FCRL2: variants seen among roughly 807,000 people sequenced by gnomAD.
FCRL2 encodes the protein Fc receptor like 2.
A neutral mutation model predicts 59.8 loss-of-function variants in FCRL2; 48 were observed. The ratio of observed to expected loss-of-function variants is 0.80; its 90% confidence interval spans 0.64 to 1.02. The LOEUF (loss-of-function observed/expected upper bound fraction) is 1.02, where lower values mean the gene tolerates loss of function less well. Among genes scored for constraint, FCRL2 ranks in the 50% least tolerant of loss-of-function variants. The pLI is 0.00. For missense variants in FCRL2, 658 were observed against 597.3 expected (o/e 1.10, Z -1.06); for synonymous variants, 251 against 229.5 (o/e 1.09, Z -0.85).
chr1:157,774,494 C>T, intron 2 of FCRL2: 1 of 455,480 alleles, frequency 2.2e-6, no homozygotes, highest in Non-Finnish European at 4.4e-6. Context: ...TGAAGAACAT[C>T]TCAGTTTTCT....
At chr1:157,753,250 T>C (rs1648332307) in intron 7 of FCRL2, among the ~76,000 whole-genome samples, 1 of 152,176 alleles carries the variant, frequency 6.6e-6, no homozygotes, top group Non-Finnish European at 1.5e-5. Context: ...TCAGAGTTAG[T>C]GCAGACCCCA....
chr1:157,772,011 A>G (rs12728877), intron 2 of FCRL2, among the ~76,000 whole-genome samples: 30,874 of 149,896 alleles, frequency 0.21, 3,383 homozygotes, highest in Non-Finnish European at 0.24. Context: ...CTTGTTAGAC[A>G]TTGGGGAACA....
In FCRL2 at chr1:157,769,863, T is replaced by C; in HGVS notation, c.595+3A>G. On this transcript the variant is annotated splice_donor_region_variant and intron_variant, in intron 4 of 11. Coordinates refer to ENST00000361516, the MANE Select transcript of FCRL2 (RefSeq NM_030764.4). ...CTCCAGGCTCAGCCTCACTGATACT[T>C]GCTCTGCACGTGAATCTGGGATTGG... The C allele has an allele frequency of 6.2e-7, 1 of 1,613,284 alleles. No individual in the cohort carries two copies. The highest frequency in any genetic ancestry group is 1.7e-4 in the Middle Eastern group (1 of 6,056).
chr1:157,762,208 T>C (rs1444863156), intron 7 of FCRL2, among the ~76,000 whole-genome samples: 1 of 152,176 alleles, frequency 6.6e-6, no homozygotes, highest in African/African-American at 2.4e-5. Flanking sequence ...CCACAACTGA[T>C]ACCTACCCGC....
intron 2 of FCRL2, 128 bp downstream of exon 2, chr1:157,775,647 G>T: frequency 1.0e-6 from 1 of 963,682 alleles, no homozygotes; most frequent in Non-Finnish European, 1.5e-6. Flanking sequence ...CTCAGAACAT[G>T]TCAGCCTAGA....
intron 7 of FCRL2, among the ~76,000 whole-genome samples, chr1:157,764,509 C>T (rs1295865339): frequency 6.6e-6 from 1 of 152,164 alleles, no homozygotes; most frequent in South Asian, 2.1e-4. Context: ...TGTTCAACAA[C>T]TACAGAATAC....
At chr1:157,765,148 T>TA (rs1211853098) in intron 7 of FCRL2, among the ~76,000 whole-genome samples, 1 of 151,914 alleles carries the variant, frequency 6.6e-6, no homozygotes, top group Non-Finnish European at 1.5e-5. Flanking sequence ...TGATATCAAA[T>TA]AAAAAAGATC....
chr1:157,776,846 T>C (rs1434981583), intron 1 of FCRL2, among the ~76,000 whole-genome samples, 197 bp downstream of exon 1: 1 of 152,224 alleles, frequency 6.6e-6, no homozygotes, highest in South Asian at 2.1e-4. Flanking sequence ...TTAAGCATTG[T>C]GCTTAATGCT....
At chr1:157,764,918 A>G (rs549911967) in intron 7 of FCRL2, among the ~76,000 whole-genome samples, 28 of 152,334 alleles carry the variant, frequency 1.8e-4, no homozygotes, top group Non-Finnish European at 3.2e-4. Flanking sequence ...GGAACTAGAA[A>G]ACCAAGAACA....
intron 7 of FCRL2, among the ~76,000 whole-genome samples, chr1:157,758,089 G>A (rs922954016): frequency 2.0e-5 from 3 of 152,244 alleles, no homozygotes; most frequent in African/African-American, 7.2e-5. Flanking sequence ...ATTGTCTTTT[G>A]TAAGTATAAA....
At position 157,768,472 on chromosome 1, in the gene FCRL2, A is replaced by G. The variant is rs1354220719; in HGVS notation, c.825T>C (p.Cys275=). 2.5e-6 allele frequency: 4 copies of G among 1,614,172 alleles called. No individual in the cohort carries two copies. The highest frequency in any genetic ancestry group is 2.2e-5 in the South Asian group (2 of 91,080). ...TAGGCACATGGCCGTTGTCAGCTCTACAGTAATATTTGCCGGCATCACTCT... is the reference window on the plus strand; with the variant it reads ...TAGGCACATGGCCGTTGTCAGCTCTGCAGTAATATTTGCCGGCATCACTCT... ...VKESDAGKYY[C]RADNGHVPIQ... The change falls in exon 5 of 12, where the codon TGT becomes TGC. Residue 275 remains cysteine (C), a synonymous_variant. Coordinates refer to ENST00000361516, the MANE Select transcript of FCRL2 (RefSeq NM_030764.4).
intron 2 of FCRL2, among the ~76,000 whole-genome samples, chr1:157,771,855 G>A (rs1650045906): frequency 6.6e-6 from 1 of 152,012 alleles, no homozygotes; most frequent in African/African-American, 2.4e-5. Context: ...GGAAGCAGAA[G>A]TCAATAAAAT....
At chr1:157,750,714 T>C (rs1648124068) in intron 7 of FCRL2, among the ~76,000 whole-genome samples, 1 of 152,222 alleles carries the variant, frequency 6.6e-6, no homozygotes, top group Non-Finnish European at 1.5e-5. Context: ...GACCTCAGAA[T>C]TGTCTACCAA....
intron 2 of FCRL2, among the ~76,000 whole-genome samples, chr1:157,775,564 T>C (rs1266414447): frequency 1.3e-5 from 2 of 152,198 alleles, no homozygotes; most frequent in African/African-American, 2.4e-5. Flanking sequence ...GGCAAGCATG[T>C]GGGGTCTTGA....
intron 7 of FCRL2, among the ~76,000 whole-genome samples, chr1:157,761,780 A>G (rs908263908): frequency 6.6e-6 from 1 of 152,170 alleles, no homozygotes; most frequent in African/African-American, 2.4e-5. Context: ...TTCTTGACAA[A>G]TTAGAAATAA....
chr1:157,754,316 C>T (rs1290719221), intron 7 of FCRL2, among the ~76,000 whole-genome samples: 1 of 152,148 alleles, frequency 6.6e-6, no homozygotes, highest in Non-Finnish European at 1.5e-5. Flanking sequence ...GCCCTCACTG[C>T]TACACTCCCA....
chr1:157,769,054 T>A (rs1649764876), intron 4 of FCRL2: 1 of 178,200 alleles, frequency 5.6e-6, no homozygotes, highest in Non-Finnish European at 1.2e-5. Flanking sequence ...AAAGTCATTA[T>A]TCCTAACAAC....
rs150008829 is a variant in FCRL2, at chr1:157,748,941, G to C, written c.1327C>G (p.Pro443Ala). The change falls in exon 9 of 12, where the codon CCT becomes GCT. Residue 443 changes from proline to alanine, a missense_variant. Coordinates refer to ENST00000361516, the MANE Select transcript of FCRL2 (RefSeq NM_030764.4). ...GGGCTTGAATAGGTGAACTCTTGAG[G>C]ATTTGGCCTGGAAGCCCCTCTGTGA... ...NEPRGASRPN[P>A]QEFTYSSPTP... 943 of 1,613,828 alleles carry C rather than the reference G, an allele frequency of 5.8e-4. No homozygotes were observed. Among genetic ancestry groups the C allele is most frequent in the Non-Finnish European group, 7.5e-4 (886 of 1,179,928 alleles).
At chr1:157,748,271 C>T (rs997310965) in intron 10 of FCRL2, among the ~76,000 whole-genome samples, 10 of 151,870 alleles carry the variant, frequency 6.6e-5, no homozygotes, top group Non-Finnish European at 1.0e-4. Context: ...ATTAGCTGGG[C>T]GTGGTGGCGC....
Sources: allele counts gnomAD v4.1 joint callset (sites outside exome capture counted in the v4.1 genomes callset), GRCh38; gene constraint gnomAD v4.1.1; transcripts MANE v1.5; gene names NCBI Gene and HGNC (gene_info 2026-07-23, HGNC 2026-07-21).